Variants in KCNAB1 observed in about 807,000 individuals in gnomAD.
KCNAB1 encodes the protein voltage-gated potassium channel subunit beta-1.
Under a neutral mutation model 64.6 loss-of-function variants are expected in KCNAB1, and 35 were observed. That is an observed-to-expected ratio of 0.54 (90% confidence interval 0.41 to 0.72). KCNAB1 has a LOEUF of 0.72. Among genes scored for constraint, KCNAB1 ranks in the 30% least tolerant of loss-of-function variants. The probability of loss-of-function intolerance (pLI) is 0.00; values close to 1 mark genes in which losing one functional copy is unlikely to be tolerated. For missense variants in KCNAB1, 401 were observed against 512.9 expected, an observed-to-expected ratio of 0.78 and a Z score of 2.11; for synonymous variants, 177 against 183.8, an observed-to-expected ratio of 0.96 and a Z score of 0.30.
intron 1 of KCNAB1, among the ~76,000 whole-genome samples, chr3:156,187,364 C>T: frequency 6.6e-6 from 1 of 152,208 alleles, no homozygotes; most frequent in East Asian, 1.9e-4. Flanking sequence ...TCTTTTCTGA[C>T]TGCCACATCC....
At chr3:156,326,362 C>T (rs1008781117) in intron 1 of KCNAB1, among the ~76,000 whole-genome samples, 4 of 152,056 alleles carry the variant, frequency 2.6e-5, no homozygotes, top group Admixed American at 2.6e-4. Flanking sequence ...TCTGTCTAGG[C>T]AGAGTTCTGA....
chr3:156,217,490 A>C (rs923609188), intron 1 of KCNAB1, among the ~76,000 whole-genome samples: 3 of 152,236 alleles, frequency 2.0e-5, no homozygotes, highest in Non-Finnish European at 2.9e-5. Flanking sequence ...TGTCCTGATG[A>C]GCTCATTCAC....
chr3:156,528,651 A>G (rs1718489688), intron 12 of KCNAB1, among the ~76,000 whole-genome samples: 1 of 152,174 alleles, frequency 6.6e-6, no homozygotes, highest in Admixed American at 6.5e-5. Context: ...AGAAAGGGGA[A>G]GGCAAAAGGA....
At chr3:156,179,799 A>T (rs1045626656) in intron 1 of KCNAB1, among the ~76,000 whole-genome samples, 1 of 152,214 alleles carries the variant, frequency 6.6e-6, no homozygotes, top group Admixed American at 6.5e-5. Flanking sequence ...CTCCCTTAGA[A>T]AATGTACAAT....
At chr3:156,203,603 G>T (rs565894926) in intron 1 of KCNAB1, among the ~76,000 whole-genome samples, 35 of 152,304 alleles carry the variant, frequency 2.3e-4, no homozygotes, top group Non-Finnish European at 4.1e-4. Context: ...AGAATGCTAG[G>T]AATGCATACA....
chr3:156,255,036 G>A lies in KCNAB1; in HGVS notation c.275+134150G>A, dbSNP rs77652483. Reference sequence around the variant, plus strand: ...TTTTCCCTGCCGAGTTGACTATGTGGGTGACACGTGGGCTCCCTCTCTCCA... The same window carrying A: ...TTTTCCCTGCCGAGTTGACTATGTGAGTGACACGTGGGCTCCCTCTCTCCA... On this transcript the variant is annotated intron_variant, in intron 1 of 13. Transcript: ENST00000490337. 6.0e-3 allele frequency among the ~76,000 whole-genome samples: 906 copies of A among 152,230 alleles called. 9 individuals carry two copies. Among genetic ancestry groups the A allele is most frequent in the South Asian group, 0.016 (79 of 4,820 alleles).
At chr3:156,369,481 TCTCA>T (rs1726164173) in intron 1 of KCNAB1, among the ~76,000 whole-genome samples, 1 of 152,258 alleles carries the variant, frequency 6.6e-6, no homozygotes, top group Admixed American at 6.5e-5. Context: ...GTCATAGAGT[TCTCA>T]CTCTCTCCAA....
chr3:156,524,523 G>C (rs370196846), intron 12 of KCNAB1, among the ~76,000 whole-genome samples: 5 of 152,062 alleles, frequency 3.3e-5, no homozygotes, highest in Non-Finnish European at 5.9e-5. Context: ...CAAGGTGGGC[G>C]GATCATGAGG....
Position 156,201,202 on chromosome 3 carries a change from A to G in KCNAB1, c.275+80316A>G, listed in dbSNP as rs555447200. On this transcript the variant is annotated intron_variant, in intron 1 of 13. Transcript: ENST00000490337. ...AAGTACCTTAGTTGGAAATGCAGAA[A>G]TCACCCGCCTTCTGCATTGGTCTTG... Among the ~76,000 whole-genome samples the G allele has an allele frequency of 2.6e-3, 391 of 152,286 alleles. 3 individuals carry two copies. Among genetic ancestry groups the G allele is most frequent in the African/African-American group, 8.7e-3 (361 of 41,562 alleles).
intron 4 of KCNAB1, 149 bp from the exon 5 acceptor site, chr3:156,459,678 C>T (rs1044926070): frequency 4.7e-5 from 26 of 553,718 alleles, no homozygotes; most frequent in South Asian, 4.7e-4. Context: ...GCAGAAACAG[C>T]GGAAACTGTG....
chr3:156,158,421 G>A (rs899793295), intron 1 of KCNAB1, among the ~76,000 whole-genome samples: 1 of 152,074 alleles, frequency 6.6e-6, no homozygotes, highest in Admixed American at 6.5e-5. Context: ...TTAACCAGGA[G>A]AAAAATTTGG....
intron 1 of KCNAB1, among the ~76,000 whole-genome samples, chr3:156,236,325 T>C (rs1716849096): frequency 6.6e-6 from 1 of 152,156 alleles, no homozygotes; most frequent in African/African-American, 2.4e-5. Context: ...CCAGCTTTGC[T>C]CTTTTAAAGC....
intron 1 of KCNAB1, chr3:156,291,206 G>A (rs1443107295): frequency 3.0e-5 from 30 of 985,940 alleles, no homozygotes; most frequent in Non-Finnish European, 3.6e-5. Context: ...GCTCCTCCGT[G>A]CAGCTGCAAA....
intron 1 of KCNAB1, among the ~76,000 whole-genome samples, chr3:156,417,242 T>C (rs1349508882): frequency 2.0e-5 from 3 of 152,210 alleles, no homozygotes; most frequent in African/African-American, 4.8e-5. Flanking sequence ...CCAAATCTCA[T>C]ATTTGATTAG....
At chr3:156,201,811 C>T (rs970074809) in intron 1 of KCNAB1, among the ~76,000 whole-genome samples, 22 of 152,084 alleles carry the variant, frequency 1.4e-4, no homozygotes, top group Non-Finnish European at 1.8e-4. Flanking sequence ...TGGGAGGCTG[C>T]GGTGTGGGGA....
intron 1 of KCNAB1, among the ~76,000 whole-genome samples, chr3:156,285,994 A>G (rs1053538565): frequency 3.3e-5 from 5 of 152,218 alleles, no homozygotes; most frequent in Non-Finnish European, 7.3e-5. Flanking sequence ...TAATTATGCT[A>G]TGGTCCTGGA....
chr3:156,321,447 A>G (rs939269415), intron 1 of KCNAB1, among the ~76,000 whole-genome samples: 5 of 152,226 alleles, frequency 3.3e-5, no homozygotes. Context: ...ACGAACTCAG[A>G]GTTCAACTTG....
At chr3:156,455,835 G>GTGT (rs1045322713) in intron 3 of KCNAB1, among the ~76,000 whole-genome samples, 1 of 152,186 alleles carries the variant, frequency 6.6e-6, no homozygotes, top group Non-Finnish European at 1.5e-5. Context: ...CGGGGAAAGG[G>GTGT]TGTTGCTCCT....
chr3:156,301,552 C>T (rs185339258), intron 1 of KCNAB1, among the ~76,000 whole-genome samples: 7 of 152,304 alleles, frequency 4.6e-5, no homozygotes, highest in Non-Finnish European at 1.0e-4. Flanking sequence ...TGAACTGCTA[C>T]TCTAAAGAGA....
Sources: gnomAD v4.1 joint callset for allele counts (sites outside exome capture counted in the v4.1 genomes callset) on GRCh38, gnomAD v4.1.1 for gene constraint, MANE v1.5 for transcripts, NCBI Gene and HGNC (gene_info 2026-07-23, HGNC 2026-07-21) for gene names.